Variants in TMEFF2 observed in about 807,000 individuals in gnomAD.
TMEFF2 encodes the protein tomoregulin-2.
In TMEFF2, 28 loss-of-function variants were observed where a neutral mutation model predicts 53.8. The observed-to-expected ratio is 0.52, with a 90% confidence interval of 0.39 to 0.71. TMEFF2 has a LOEUF of 0.71. TMEFF2 is among the 30% of genes least tolerant of loss of function. The probability of loss-of-function intolerance (pLI) is 0.00; values close to 1 mark genes in which losing one functional copy is unlikely to be tolerated. For missense variants in TMEFF2, 353 were observed against 455.2 expected (o/e 0.78, Z 2.04); for synonymous variants, 162 against 166.3 (o/e 0.97, Z 0.20).
chr2:192,076,663 TC>T (rs1258047966), intron 4 of TMEFF2, among the ~76,000 whole-genome samples: 3 of 152,128 alleles, frequency 2.0e-5, no homozygotes, highest in African/African-American at 7.2e-5. Context: ...TCCAATTCAC[TC>T]CCTTGCCCAC....
intron 4 of TMEFF2, among the ~76,000 whole-genome samples, chr2:192,106,650 T>C (rs1689156085): frequency 6.6e-6 from 1 of 151,808 alleles, no homozygotes; most frequent in African/African-American, 2.4e-5. Flanking sequence ...CAATTCAAAA[T>C]AATAAACTCT....
intron 4 of TMEFF2, among the ~76,000 whole-genome samples, chr2:192,135,958 A>T (rs975257677): frequency 2.7e-5 from 4 of 147,418 alleles, no homozygotes; most frequent in Non-Finnish European, 6.0e-5. Context: ...GTAATTTTCC[A>T]TTACCTTCCC....
intron 4 of TMEFF2, among the ~76,000 whole-genome samples, chr2:192,063,341 G>C (rs991848241): frequency 1.3e-5 from 2 of 151,662 alleles, no homozygotes; most frequent in African/African-American, 4.8e-5. Flanking sequence ...CAAATCTTTG[G>C]GGGGTTTTCA....
chr2:192,099,780 T>C (rs1489408757), intron 4 of TMEFF2, among the ~76,000 whole-genome samples: 1 of 151,404 alleles, frequency 6.6e-6, no homozygotes, highest in Non-Finnish European at 1.5e-5. Context: ...ATGATGGGAT[T>C]GCTTTTTTTT....
At chr2:191,998,128 G>T in intron 7 of TMEFF2, 134 bp downstream of exon 7, 1 of 650,680 alleles carries the variant, frequency 1.5e-6, no homozygotes, top group South Asian at 2.4e-5. Flanking sequence ...ATGAAAGCTT[G>T]AACTAAGCAA....
chr2:192,127,011 A>C (rs1251129467), intron 4 of TMEFF2, among the ~76,000 whole-genome samples: 2 of 152,194 alleles, frequency 1.3e-5, no homozygotes, highest in African/African-American at 4.8e-5. Context: ...TTATGTGCCA[A>C]TATAAGAACA....
intron 3 of TMEFF2, among the ~76,000 whole-genome samples, chr2:192,180,381 G>A (rs1691155740): frequency 1.3e-5 from 2 of 151,324 alleles, no homozygotes; most frequent in South Asian, 2.1e-4. Flanking sequence ...ATTACAATTG[G>A]TCAAAGTTGT....
At chr2:192,025,375 G>GT (rs1350436438) in intron 5 of TMEFF2, among the ~76,000 whole-genome samples, 2 of 52,290 alleles carry the variant, frequency 3.8e-5, no homozygotes, top group Non-Finnish European at 1.0e-4. Flanking sequence ...CTAACAGAAG[G>GT]GTTTTTTTTT....
At chr2:192,136,308 T>C (rs2105984416) in intron 4 of TMEFF2, among the ~76,000 whole-genome samples, 1 of 152,294 alleles carries the variant, frequency 6.6e-6, no homozygotes, top group South Asian at 2.1e-4. Context: ...TTGATAATGA[T>C]AAGACAAGAA....
intron 4 of TMEFF2, among the ~76,000 whole-genome samples, chr2:192,156,020 A>G (rs984523149): frequency 5.3e-5 from 8 of 151,844 alleles, no homozygotes; most frequent in Non-Finnish European, 1.2e-4. Context: ...ATTTGAAAAA[A>G]AAAAACAAGA....
intron 4 of TMEFF2, among the ~76,000 whole-genome samples, chr2:192,062,076 A>G (rs974557151): frequency 8.9e-4 from 8 of 9,022 alleles, no homozygotes; most frequent in African/African-American, 9.7e-4. Context: ...AGTAGCCTTT[A>G]ATTAGTGTTG....
At chr2:191,954,600 T>G (rs1040620377) in intron 8 of TMEFF2, among the ~76,000 whole-genome samples, 10 of 152,096 alleles carry the variant, frequency 6.6e-5, no homozygotes, top group Non-Finnish European at 1.3e-4. Flanking sequence ...CTCTATGCCA[T>G]TGTCAGAATA....
chr2:192,019,040 ATAAT>A (rs1429416789), intron 5 of TMEFF2, among the ~76,000 whole-genome samples: 1 of 152,080 alleles, frequency 6.6e-6, no homozygotes, highest in African/African-American at 2.4e-5. Context: ...CTTCTTAGAA[ATAAT>A]TTTACATTTT....
rs748498525 is a variant in TMEFF2, at chr2:191,956,217, CT to C, written c.869+37del. On this transcript the variant is annotated intron_variant, in intron 8 of 9. Coordinates refer to ENST00000272771, the MANE Select transcript of TMEFF2 (RefSeq NM_016192.4). ...CTACAATTTAGTTTCTACATATTAACTTTATACATTAACTATTCTTGCGAGT... is the reference window on the plus strand; with the variant it reads ...CTACAATTTAGTTTCTACATATTAACTTATACATTAACTATTCTTGCGAGT... 6 of 1,571,674 alleles carry C rather than the reference CT, an allele frequency of 3.8e-6. No homozygotes were observed. The Admixed American group carries it at 1.1e-4, about 30-fold the overall frequency.
intron 4 of TMEFF2, among the ~76,000 whole-genome samples, chr2:192,098,953 G>C (rs1450630043): frequency 1.3e-5 from 2 of 152,092 alleles, no homozygotes. Context: ...AATGGCGTTG[G>C]TTTTTTAAAA....
At chr2:192,033,889 T>G (rs1687208988) in intron 5 of TMEFF2, among the ~76,000 whole-genome samples, 1 of 152,096 alleles carries the variant, frequency 6.6e-6, no homozygotes, top group South Asian at 2.1e-4. Flanking sequence ...AAAAATCCTT[T>G]TTTTGGCCAG....
At chr2:191,986,896 A>C (rs1330061175) in intron 7 of TMEFF2, among the ~76,000 whole-genome samples, 1 of 150,964 alleles carries the variant, frequency 6.6e-6, no homozygotes, top group African/African-American at 2.4e-5. Flanking sequence ...TTGAAGCAGC[A>C]AGATGAAATG....
chr2:192,011,894 CTTT>C (rs551308799), intron 5 of TMEFF2, among the ~76,000 whole-genome samples: 3 of 149,696 alleles, frequency 2.0e-5, no homozygotes, highest in African/African-American at 7.3e-5. Flanking sequence ...TACATATTAT[CTTT>C]TTTTTTTGAG....
chr2:192,127,375 T>G (rs568167389), intron 4 of TMEFF2, among the ~76,000 whole-genome samples: 85 of 152,330 alleles, frequency 5.6e-4, no homozygotes, highest in Admixed American at 1.6e-3. Flanking sequence ...GAGTGAACAC[T>G]CAATGGTGTT....
Sources: allele counts gnomAD v4.1 joint callset (sites outside exome capture counted in the v4.1 genomes callset), GRCh38; gene constraint gnomAD v4.1.1; transcripts MANE v1.5; gene names NCBI Gene and HGNC (gene_info 2026-07-23, HGNC 2026-07-21).